The following PRELID2 variants were observed in gnomAD, a reference collection of about 807,000 sequenced individuals.
The protein encoded by PRELID2 is PRELI domain-containing protein 2.
In PRELID2, 25 loss-of-function variants were observed where a neutral mutation model predicts 28.4. The observed-to-expected ratio is 0.88, with a 90% CI of 0.64 to 1.23. The LOEUF (loss-of-function observed/expected upper bound fraction) is 1.23, where lower values mean the gene tolerates loss of function less well. Ranked by LOEUF, PRELID2 falls within the 50% of genes most tolerant of loss-of-function variation. PRELID2 has a pLI of 0.00. For synonymous variants in PRELID2, 76 were observed against 71.6 expected (o/e 1.06, Z -0.31); for missense variants, 201 against 214.4 (o/e 0.94, Z 0.39).
chr5:145,271,895 G>C, the PRELID2 span, among the ~76,000 whole-genome samples: 1 of 152,080 alleles, frequency 6.6e-6, no homozygotes, highest in Admixed American at 6.6e-5. Context: ...CATTTTATCA[G>C]TCTGTTTGAA....
At chr5:145,535,538 C>T (rs1189641833) in intron 1 of PRELID2, among the ~76,000 whole-genome samples, 1 of 151,636 alleles carries the variant, frequency 6.6e-6, no homozygotes, top group Non-Finnish European at 1.5e-5. Flanking sequence ...TTTCAAAAGG[C>T]AAGTTTCCTG....
At chr5:145,243,951 T>A in the PRELID2 span, among the ~76,000 whole-genome samples, 1 of 152,074 alleles carries the variant, frequency 6.6e-6, no homozygotes, top group East Asian at 1.9e-4. Flanking sequence ...TTTGTTTATT[T>A]GTTTGTTTGT....
At chr5:145,474,065 C>G (rs1158511439) in intron 1 of PRELID2, among the ~76,000 whole-genome samples, 1 of 152,180 alleles carries the variant, frequency 6.6e-6, no homozygotes, top group Non-Finnish European at 1.5e-5. Context: ...TCAACTTCAA[C>G]CCAATGTTGA....
the PRELID2 span, among the ~76,000 whole-genome samples, chr5:145,351,067 C>T: frequency 1.1e-4 from 17 of 152,266 alleles, no homozygotes; most frequent in Admixed American, 2.6e-4. Flanking sequence ...TATACCACAA[C>T]TTACAAAAGA....
At chr5:145,736,024 C>T (rs1756486808) in intron 1 of PRELID2, among the ~76,000 whole-genome samples, 1 of 152,176 alleles carries the variant, frequency 6.6e-6, no homozygotes, top group Admixed American at 6.5e-5. Flanking sequence ...CCTCTCATCA[C>T]TGCCTCTGAC....
intron 1 of PRELID2, among the ~76,000 whole-genome samples, chr5:145,550,309 C>T (rs757659312): frequency 1.2e-4 from 18 of 151,998 alleles, no homozygotes; most frequent in African/African-American, 2.2e-4. Context: ...ATGAGCAAGG[C>T]GGAGAGTAGA....
intron 1 of PRELID2, among the ~76,000 whole-genome samples, chr5:145,484,332 C>T (rs1752194024): frequency 1.3e-5 from 2 of 152,158 alleles, no homozygotes; most frequent in African/African-American, 4.8e-5. Flanking sequence ...ACAGTGACTT[C>T]CATTGGGTTA....
chr5:145,740,862 ATTTAT>A (rs2149737354), intron 1 of PRELID2, among the ~76,000 whole-genome samples: 2 of 53,404 alleles, frequency 3.7e-5, no homozygotes, highest in East Asian at 1.5e-3. Context: ...ATGTACATAT[ATTTAT>A]CGATAAATAT....
intron 1 of PRELID2, among the ~76,000 whole-genome samples, chr5:145,738,835 A>T (rs1756569927): frequency 6.6e-6 from 1 of 152,180 alleles, no homozygotes; most frequent in South Asian, 2.1e-4. Context: ...ATTCAAGAAG[A>T]TGAGTGTTTC....
the PRELID2 span, chr5:145,229,308 C>T: frequency 2.7e-6 from 2 of 745,886 alleles, no homozygotes; most frequent in South Asian, 2.7e-5. Flanking sequence ...ATGGAATATG[C>T]AAAGCAACAC....
the PRELID2 span, among the ~76,000 whole-genome samples, chr5:145,433,948 C>T: frequency 6.6e-6 from 1 of 152,146 alleles, no homozygotes; most frequent in African/African-American, 2.4e-5. Flanking sequence ...CCTCACTAGC[C>T]TCTGACCACC....
At chr5:145,536,602 A>G (rs1234721376) in intron 1 of PRELID2, among the ~76,000 whole-genome samples, 1 of 151,714 alleles carries the variant, frequency 6.6e-6, no homozygotes, top group Non-Finnish European at 1.5e-5. Flanking sequence ...TTAAAAGACA[A>G]GGGAAGAGAG....
At chr5:145,428,003 G>T in the PRELID2 span, among the ~76,000 whole-genome samples, 1 of 152,070 alleles carries the variant, frequency 6.6e-6, no homozygotes, top group African/African-American at 2.4e-5. Context: ...GTGTCACCCA[G>T]GCTGGAGTGC....
the PRELID2 span, among the ~76,000 whole-genome samples, chr5:145,420,739 A>C: frequency 1.7e-3 from 124 of 71,844 alleles, no homozygotes; most frequent in African/African-American, 5.5e-3. Context: ...TCTCCTGCCT[A>C]ATTGCCCTGG....
the PRELID2 span, among the ~76,000 whole-genome samples, chr5:145,300,499 A>C: frequency 5.9e-5 from 9 of 152,144 alleles, no homozygotes; most frequent in African/African-American, 2.2e-4. Context: ...GTTTTTATTT[A>C]AGCTCAATTA....
At chr5:145,585,413 C>T (rs1159805008) in intron 1 of PRELID2, among the ~76,000 whole-genome samples, 1 of 152,080 alleles carries the variant, frequency 6.6e-6, no homozygotes, top group Admixed American at 6.6e-5. Flanking sequence ...AACAAATATG[C>T]ACCTCCTGCA....
At chr5:145,337,154 GA>G in the PRELID2 span, among the ~76,000 whole-genome samples, 2 of 151,394 alleles carry the variant, frequency 1.3e-5, no homozygotes, top group Non-Finnish European at 2.9e-5. Context: ...AACACCTTAA[GA>G]AACTAAAAAA....
chr5:145,533,341 G>A (rs934899740), intron 1 of PRELID2, among the ~76,000 whole-genome samples: 6 of 151,914 alleles, frequency 3.9e-5, no homozygotes, highest in South Asian at 2.1e-4. Context: ...ACTTTATACC[G>A]TACATTTAGG....
chr5:145,770,405 A>G (rs1273422368), intron 5 of PRELID2, among the ~76,000 whole-genome samples: 2 of 152,074 alleles, frequency 1.3e-5, no homozygotes, highest in African/African-American at 4.8e-5. Flanking sequence ...CTGTAGTCTT[A>G]CCTACTTAGG....
Sources: gnomAD v4.1 joint callset for allele counts (sites outside exome capture counted in the v4.1 genomes callset) on GRCh38, gnomAD v4.1.1 for gene constraint, MANE v1.5 for transcripts, NCBI Gene and HGNC (gene_info 2026-07-23, HGNC 2026-07-21) for gene names.